Variants in SLC39A10 observed in about 807,000 individuals in gnomAD.
SLC39A10 encodes zinc transporter ZIP10.
In SLC39A10, 13 loss-of-function variants were observed where a neutral mutation model predicts 65.1. The ratio of observed to expected loss-of-function variants is 0.20; its 90% confidence interval spans 0.13 to 0.32. SLC39A10 has a LOEUF of 0.32. SLC39A10 is among the 10% of genes least tolerant of loss of function. The pLI is 1.00. For synonymous variants in SLC39A10, 321 were observed against 342.2 expected (o/e 0.94, Z 0.68); for missense variants, 831 against 1,018.4 (o/e 0.82, Z 2.50).
At chr2:195,635,376 G>A (rs1460968479) in intron 2 of SLC39A10, among the ~76,000 whole-genome samples, 2 of 152,160 alleles carry the variant, frequency 1.3e-5, no homozygotes, top group Non-Finnish European at 2.9e-5. Context: ...AGTGGTCCAT[G>A]GAACCTGGGA....
Position 195,728,322 on chromosome 2 carries a change from G to A in SLC39A10, c.2310G>A (p.Met770Ile), listed in dbSNP as rs1692317107. 6.2e-7 allele frequency: 1 copy of A among 1,613,630 alleles called. No homozygotes were observed. The highest frequency in any genetic ancestry group is 8.5e-7 in the Non-Finnish European group (1 of 1,179,704). ...TLWIFAVTAG[M>I]FLYVALVDML... ...GGATCTTTGCAGTCACTGCAGGCATGTTCCTCTATGTAGCCTTGGTGGATA... is the reference window on the plus strand; with the variant it reads ...GGATCTTTGCAGTCACTGCAGGCATATTCCTCTATGTAGCCTTGGTGGATA... The change falls in exon 9 of 10, where the codon ATG (methionine) becomes ATA (isoleucine). Residue 770 changes from methionine to isoleucine, a missense_variant. Transcript: ENST00000359634. This position sits in a 1 kb window ranked among gnomAD's most constrained non-coding sequence, Gnocchi z 4.4.
At chr2:195,718,653 A>G (rs1225695552) in intron 8 of SLC39A10, among the ~76,000 whole-genome samples, 4 of 152,172 alleles carry the variant, frequency 2.6e-5, no homozygotes, top group Non-Finnish European at 2.9e-5. Context: ...TTTTGCTGTT[A>G]ATCTACTTTT....
intron 2 of SLC39A10, among the ~76,000 whole-genome samples, chr2:195,627,018 G>A: frequency 6.6e-6 from 1 of 151,954 alleles, no homozygotes; most frequent in East Asian, 1.9e-4. Flanking sequence ...TATTTCTGGG[G>A]GAAAATATAT....
At chr2:195,652,555 A>T (rs1009367720), upstream of SLC39A10, among the ~76,000 whole-genome samples, 2 of 151,844 alleles carry the variant, frequency 1.3e-5, no homozygotes, top group Non-Finnish European at 2.9e-5. Context: ...CTTAAAAAAA[A>T]AAAAAAAAAG....
chr2:195,721,317 A>G (rs1692030565), intron 8 of SLC39A10, among the ~76,000 whole-genome samples: 1 of 152,166 alleles, frequency 6.6e-6, no homozygotes, highest in Non-Finnish European at 1.5e-5. Context: ...ATCCTGTTAC[A>G]TGTTTTTCAT....
chr2:195,687,909 T>C (rs1394328220), intron 3 of SLC39A10, among the ~76,000 whole-genome samples: 1 of 152,230 alleles, frequency 6.6e-6, no homozygotes. Flanking sequence ...TCAATTAAAA[T>C]GCTGAAGCAG....
intron 3 of SLC39A10, among the ~76,000 whole-genome samples, chr2:195,696,115 C>T (rs984104195): frequency 3.9e-5 from 6 of 152,034 alleles, no homozygotes; most frequent in African/African-American, 1.4e-4. Flanking sequence ...GGCTTATTTC[C>T]AGGCTCTCTC....
At position 195,708,837 on chromosome 2, in the gene SLC39A10, A is replaced by G. The variant is rs768975600; in HGVS notation, c.1568A>G (p.Gln523Arg). Residue 523 changes from glutamine (Q) to arginine (R), a missense_variant, in exon 5 of 10, where the codon CAA becomes CGA. Physicochemically the swap from Gln to Arg is conservative, Grantham distance 43. Transcript: ENST00000359634. ...HCIRMFKHYK[Q>R]QRGKQKWFMK... ...ATTAGAATGTTTAAGCACTACAAAC[A>G]ACAAAGAGTAAGTATTTTTTATTTA... The G allele has an allele frequency of 6.3e-7, 1 of 1,592,288 alleles. No homozygotes were observed. Among genetic ancestry groups the G allele is most frequent in the East Asian group, 2.2e-5 (1 of 44,532 alleles).
chr2:195,655,550 T>C (rs1306394513), upstream of SLC39A10, among the ~76,000 whole-genome samples: 2 of 152,250 alleles, frequency 1.3e-5, no homozygotes, highest in East Asian at 3.8e-4. Context: ...ATCATGATTT[T>C]ATGAACTCTA....
intron 5 of SLC39A10, among the ~76,000 whole-genome samples, chr2:195,710,601 G>A (rs1357741794): frequency 6.6e-6 from 1 of 152,144 alleles, no homozygotes; most frequent in Admixed American, 6.5e-5. Context: ...ATGATTTCCA[G>A]TAGTTATCTA....
chr2:195,732,297 G>T (rs1242695125), intron 9 of SLC39A10, among the ~76,000 whole-genome samples: 1 of 152,210 alleles, frequency 6.6e-6, no homozygotes, highest in Non-Finnish European at 1.5e-5. Context: ...CATTCAATAA[G>T]ATATCAACAG....
chr2:195,721,308 T>A (rs1692030023), intron 8 of SLC39A10, among the ~76,000 whole-genome samples: 3 of 152,182 alleles, frequency 2.0e-5, no homozygotes, highest in South Asian at 4.1e-4. Context: ...CTGCAGTACA[T>A]CCTGTTACAT....
At chr2:195,686,948 G>A (rs1690548321) in intron 3 of SLC39A10, among the ~76,000 whole-genome samples, 2 of 152,180 alleles carry the variant, frequency 1.3e-5, no homozygotes, top group Non-Finnish European at 2.9e-5. Context: ...TGCAAGTATT[G>A]TTTTAAGTAT....
intron 2 of SLC39A10, among the ~76,000 whole-genome samples, chr2:195,628,795 T>A (rs1688522993): frequency 6.6e-6 from 1 of 152,194 alleles, no homozygotes; most frequent in Non-Finnish European, 1.5e-5. Flanking sequence ...TTCTTTACAT[T>A]CTAACCCATT....
rs10642583 is a variant in SLC39A10 at position 195,737,365 on chromosome 2, TATCAATCAATCA to T, written c.*2333_*2344del. The T allele has an allele frequency of 1.3e-5, 2 of 152,416 alleles. No individual in the cohort carries two copies. Among genetic ancestry groups the T allele is most frequent in the African/African-American group, 4.9e-5 (2 of 40,844 alleles). The allele number at this position is 152,416 out of a possible 1,614,324, so 9.4% of individuals were successfully genotyped here. ...TGACATCCATATGAATTTTGGTATA[TATCAATCAATCA>T]ATCAATCACATTGCATTCAATCAAT... On this transcript the variant is annotated 3_prime_UTR_variant, in exon 10 of 10. Coordinates refer to ENST00000359634, the MANE Select transcript of SLC39A10 (RefSeq NM_020342.3).
intron 7 of SLC39A10, 134 bp downstream of exon 7, chr2:195,717,139 T>G: frequency 8.4e-7 from 1 of 1,195,852 alleles, no homozygotes; most frequent in Admixed American, 2.5e-5. Context: ...GGCTACAGTT[T>G]TGTGTTCAGT....
intron 9 of SLC39A10, among the ~76,000 whole-genome samples, chr2:195,731,848 T>A (rs761202388): frequency 9.2e-5 from 14 of 152,176 alleles, no homozygotes; most frequent in Non-Finnish European, 1.9e-4. Context: ...ATAACATCAT[T>A]CCTTTGAACA....
At chr2:195,689,914 C>T (rs1443191878) in intron 3 of SLC39A10, among the ~76,000 whole-genome samples, 4 of 152,120 alleles carry the variant, frequency 2.6e-5, no homozygotes, top group East Asian at 1.9e-4. Flanking sequence ...CAGTGGCTCA[C>T]GCCTATAATC....
Position 195,737,486 on chromosome 2 carries a change from C to T in SLC39A10, c.*2445C>T, listed in dbSNP as rs1369551740. The T allele has an allele frequency of 1.2e-5, 2 of 160,580 alleles. No homozygotes were observed. Among genetic ancestry groups the T allele is most frequent in the African/African-American group, 4.8e-5 (2 of 41,382 alleles). 9.9% of individuals were successfully genotyped at this position (160,580 alleles called of 1,614,324 possible). On this transcript the variant is annotated 3_prime_UTR_variant, in exon 10 of 10. Transcript: ENST00000359634. Reference sequence around the variant, plus strand: ...TTTTTCCATTAACAAACAAACAAGTCAGTGGCTTAAATGTGATTATGGTCC... The same window carrying T: ...TTTTTCCATTAACAAACAAACAAGTTAGTGGCTTAAATGTGATTATGGTCC...
Sources: allele counts gnomAD v4.1 joint callset (sites outside exome capture counted in the v4.1 genomes callset), GRCh38; gene constraint gnomAD v4.1.1; non-coding constraint Gnocchi (gnomAD v3.1); transcripts MANE v1.5; gene names NCBI Gene and HGNC (gene_info 2026-07-23, HGNC 2026-07-21).